Variants in IMMP2L observed in about 807,000 individuals in gnomAD.
IMMP2L encodes the protein mitochondrial inner membrane protease subunit 2.
In IMMP2L, 18 loss-of-function variants were observed where a neutral mutation model predicts 19.3. The ratio of observed to expected loss-of-function variants is 0.93; its 90% confidence interval spans 0.64 to 1.38. The LOEUF (loss-of-function observed/expected upper bound fraction) is 1.38. Ranked by LOEUF, IMMP2L falls within the 40% of genes most tolerant of loss-of-function variation. The pLI is 0.00. For synonymous variants in IMMP2L, 76 were observed against 73.0 expected, an observed-to-expected ratio of 1.04 and a Z score of -0.21; for missense variants, 233 against 218.2, an observed-to-expected ratio of 1.07 and a Z score of -0.43.
At chr7:111,251,016 T>A (rs961255071) in intron 3 of IMMP2L, among the ~76,000 whole-genome samples, 1 of 151,916 alleles carries the variant, frequency 6.6e-6, no homozygotes, top group Non-Finnish European at 1.5e-5. Context: ...CCGACAAAGG[T>A]CTAATATTCA....
At chr7:111,151,569 C>G (rs984663718) in intron 3 of IMMP2L, among the ~76,000 whole-genome samples, 1 of 152,064 alleles carries the variant, frequency 6.6e-6, no homozygotes, top group African/African-American at 2.4e-5. Context: ...TTTACCAAAA[C>G]GTAACATGTG....
rs375368902 is a variant in IMMP2L, at chr7:110,823,825, T to C, written c.408+62768A>G. ...TAAGATTTTGATGGAGGACCTTTGG[T>C]AAAGAACTACTCTCAAAACATTATG... On this transcript the variant is annotated intron_variant, in intron 5 of 5. Transcript: ENST00000405709. Among the ~76,000 whole-genome samples the C allele has an allele frequency of 1.6e-4, 24 of 152,270 alleles. 1 individual carries two copies. The South Asian group carries it at 2.5e-3, about 16-fold the overall frequency.
chr7:110,668,801 T>TAG (rs10536678), intron 5 of IMMP2L, among the ~76,000 whole-genome samples: 1 of 150,956 alleles, frequency 6.6e-6, no homozygotes, highest in South Asian at 2.1e-4. Flanking sequence ...TTGAGAATAA[T>TAG]AGAGAGAGAG....
intron 3 of IMMP2L, among the ~76,000 whole-genome samples, chr7:111,435,399 G>A (rs1177235543): frequency 2.0e-5 from 3 of 151,804 alleles, no homozygotes; most frequent in Admixed American, 1.3e-4. Context: ...GATAGAACTG[G>A]AGGCCATTAC....
chr7:110,920,665 T>C (rs1814171543), intron 4 of IMMP2L, among the ~76,000 whole-genome samples: 1 of 152,228 alleles, frequency 6.6e-6, no homozygotes, highest in Non-Finnish European at 1.5e-5. Flanking sequence ...AGCTTCTATG[T>C]ATCATTATCT....
intron 5 of IMMP2L, among the ~76,000 whole-genome samples, chr7:110,696,447 G>A (rs191335365): frequency 0.01 from 482 of 48,154 alleles, 3 homozygotes; most frequent in South Asian, 0.024. Flanking sequence ...TTTTTTTTGA[G>A]ACAGAGTCTT....
At chr7:110,768,445 G>C (rs2131007985) in intron 5 of IMMP2L, among the ~76,000 whole-genome samples, 1 of 152,236 alleles carries the variant, frequency 6.6e-6, no homozygotes, top group South Asian at 2.1e-4. Flanking sequence ...CTAGCTACTG[G>C]AGGGTTTTAA....
chr7:110,986,539 C>A (rs1319806318), intron 3 of IMMP2L, among the ~76,000 whole-genome samples: 2 of 152,142 alleles, frequency 1.3e-5, no homozygotes, highest in African/African-American at 4.8e-5. Context: ...AGTTTTGAGG[C>A]TTCCCAGGTC....
chr7:111,007,693 G>T (rs1333260003), intron 3 of IMMP2L, among the ~76,000 whole-genome samples: 1 of 151,962 alleles, frequency 6.6e-6, no homozygotes, highest in African/African-American at 2.4e-5. Context: ...ATATAGACAT[G>T]CATGTATGTC....
intron 5 of IMMP2L, among the ~76,000 whole-genome samples, chr7:110,818,548 T>C (rs1012443715): frequency 7.9e-5 from 12 of 152,202 alleles, no homozygotes; most frequent in South Asian, 4.1e-4. Flanking sequence ...TTGTGGAAGT[T>C]GGTGTGGCGA....
At chr7:111,128,318 A>G (rs1465659350) in intron 3 of IMMP2L, among the ~76,000 whole-genome samples, 1 of 152,206 alleles carries the variant, frequency 6.6e-6, no homozygotes, top group African/African-American at 2.4e-5. Flanking sequence ...TCACAAATAC[A>G]TGTTAACTGT....
At chr7:111,221,824 G>C (rs1388790585) in intron 3 of IMMP2L, among the ~76,000 whole-genome samples, 1 of 151,940 alleles carries the variant, frequency 6.6e-6, no homozygotes, top group Non-Finnish European at 1.5e-5. Flanking sequence ...GTACAAGGTA[G>C]AAAAACGTCT....
chr7:110,713,871 A>C (rs1008836563), intron 5 of IMMP2L, among the ~76,000 whole-genome samples: 5 of 152,148 alleles, frequency 3.3e-5, no homozygotes, highest in Non-Finnish European at 5.9e-5. Flanking sequence ...ATCATCAGTG[A>C]AAAGAGAAGT....
intron 3 of IMMP2L, among the ~76,000 whole-genome samples, chr7:111,024,898 G>T (rs1315217217): frequency 6.6e-6 from 1 of 152,066 alleles, no homozygotes; most frequent in African/African-American, 2.4e-5. Flanking sequence ...CAGGGTTTAT[G>T]ATTATTTTTT....
intron 3 of IMMP2L, among the ~76,000 whole-genome samples, chr7:111,154,665 A>G (rs2129604030): frequency 6.6e-6 from 1 of 152,102 alleles, no homozygotes; most frequent in East Asian, 1.9e-4. Flanking sequence ...TAATCAATAA[A>G]CTCTTAATAA....
chr7:111,409,068 G>GT (rs1834144924), intron 3 of IMMP2L, among the ~76,000 whole-genome samples: 1 of 151,566 alleles, frequency 6.6e-6, no homozygotes, highest in African/African-American at 2.4e-5. Flanking sequence ...CAGTTAAATT[G>GT]TTTTTATTTA....
At chr7:111,128,978 AAGG>A (rs1213643517) in intron 3 of IMMP2L, among the ~76,000 whole-genome samples, 1 of 152,212 alleles carries the variant, frequency 6.6e-6, no homozygotes, top group Non-Finnish European at 1.5e-5. Flanking sequence ...ATATCTTTAC[AAGG>A]AGGAGAACCA....
At chr7:111,124,932 C>CAAAAAAAAAAAAAAA in intron 3 of IMMP2L, 1 of 888,504 alleles carries the variant, frequency 1.1e-6, no homozygotes. Flanking sequence ...CAAAAATGAA[C>CAAAAAAAAAAAAAAA]AAAAAAAAAA....
intron 4 of IMMP2L, among the ~76,000 whole-genome samples, chr7:110,934,807 C>A (rs1056545347): frequency 4.5e-4 from 68 of 152,118 alleles, no homozygotes; most frequent in African/African-American, 1.6e-3. Flanking sequence ...TTATCAGAGA[C>A]CAGGATTGCA....
Sources: allele counts gnomAD v4.1 joint callset (sites outside exome capture counted in the v4.1 genomes callset), GRCh38; gene constraint gnomAD v4.1.1; transcripts MANE v1.5; gene names NCBI Gene and HGNC (gene_info 2026-07-23, HGNC 2026-07-21).